ROBO2: variants seen among roughly 807,000 people sequenced by gnomAD.
ROBO2 encodes the protein roundabout guidance receptor 2.
In ROBO2, 53 loss-of-function variants were observed where a neutral mutation model predicts 160.8. The observed-to-expected ratio is 0.33, with a 90% CI of 0.26 to 0.41. ROBO2 has a LOEUF of 0.41. Ranked by LOEUF, ROBO2 falls within the 10% of genes least tolerant of loss-of-function variation. The probability of loss-of-function intolerance (pLI) is 1.00; values close to 1 mark genes in which losing one functional copy is unlikely to be tolerated. For synonymous variants in ROBO2, 664 were observed against 611.7 expected, an observed-to-expected ratio of 1.09 and a Z score of -1.26; for missense variants, 1,577 against 1,722.4, an observed-to-expected ratio of 0.92 and a Z score of 1.49.
At chr3:76,230,110 G>T (rs1704529932) in intron 2 of ROBO2, among the ~76,000 whole-genome samples, 1 of 152,006 alleles carries the variant, frequency 6.6e-6, no homozygotes, top group South Asian at 2.1e-4. Flanking sequence ...AGCTCCTCCA[G>T]TCTCTCATTC....
chr3:76,896,973 T>G (rs2074835789), intron 2 of ROBO2, among the ~76,000 whole-genome samples: 1 of 152,144 alleles, frequency 6.6e-6, no homozygotes, highest in African/African-American at 2.4e-5. Context: ...TAACTCACAT[T>G]TAGGGCTTAT....
intron 2 of ROBO2, among the ~76,000 whole-genome samples, chr3:76,157,968 T>C (rs1577089753): frequency 6.6e-6 from 1 of 152,138 alleles, no homozygotes. Context: ...TTCCTCCAGA[T>C]CAGAAAATGC....
rs149853329 is a variant in ROBO2, at chr3:76,753,899, T to C, written c.110-344115T>C. On this transcript the variant is annotated intron_variant, in intron 2 of 26. Coordinates refer to the ROBO2 transcript ENST00000487694. ...CTTGGTGAACATTTTATGGCAAAACTATTGCCCTTTTCTTTGTCCAGTTAG... is the reference window on the plus strand; with the variant it reads ...CTTGGTGAACATTTTATGGCAAAACCATTGCCCTTTTCTTTGTCCAGTTAG... 6.5e-3 allele frequency among the ~76,000 whole-genome samples: 988 copies of C among 152,008 alleles called. 6 individuals carry two copies. The highest frequency in any genetic ancestry group is 0.024 in the Middle Eastern group (7 of 294).
Position 77,596,616 on chromosome 3 carries a change from G to C in ROBO2, c.2727-7G>C, listed in dbSNP as rs760270431. The C allele has an allele frequency of 1.7e-5, 28 of 1,613,594 alleles. No homozygotes were observed. Among genetic ancestry groups the C allele is most frequent in the Non-Finnish European group, 2.3e-5 (27 of 1,179,782 alleles). ...ATGTGTTGATTTCCTTGTAATTTCT[G>C]TTTTAGCCGTCCAGGTCTTCTCAAT... is the stretch of plus-strand genomic sequence containing the variant. On this transcript the variant is annotated splice_region_variant and splice_polypyrimidine_tract_variant and intron_variant, in intron 18 of 25. Transcript: ENST00000461745.
At chr3:76,327,149 G>A (rs1414423593) in intron 2 of ROBO2, among the ~76,000 whole-genome samples, 3 of 151,952 alleles carry the variant, frequency 2.0e-5, no homozygotes, top group Non-Finnish European at 4.4e-5. Flanking sequence ...TTTTATAAAA[G>A]AGCACCAATT....
chr3:77,022,607 T>G (rs1305499442), intron 2 of ROBO2, among the ~76,000 whole-genome samples: 2 of 152,160 alleles, frequency 1.3e-5, no homozygotes, highest in African/African-American at 4.8e-5. Context: ...GAGTCTTTAT[T>G]TTGGAAGGGC....
chr3:76,091,065 G>T (rs903910111), intron 2 of ROBO2, among the ~76,000 whole-genome samples: 1 of 152,140 alleles, frequency 6.6e-6, no homozygotes, highest in Non-Finnish European at 1.5e-5. Context: ...AGCTTCAAAG[G>T]CATGATCTAT....
intron 2 of ROBO2, among the ~76,000 whole-genome samples, chr3:77,161,032 A>T (rs2078443661): frequency 6.6e-6 from 1 of 152,110 alleles, no homozygotes; most frequent in Admixed American, 6.5e-5. Flanking sequence ...AGATAGGTAA[A>T]AGAAGGAGTA....
chr3:77,077,609 A>T (rs1403495504), intron 1 of ROBO2, among the ~76,000 whole-genome samples: 2 of 152,188 alleles, frequency 1.3e-5, no homozygotes, highest in Admixed American at 1.3e-4. Flanking sequence ...GGTAAAATGG[A>T]AGCTGGGACC....
chr3:76,995,660 G>A (rs543814239), intron 2 of ROBO2, among the ~76,000 whole-genome samples: 1 of 152,246 alleles, frequency 6.6e-6, no homozygotes, highest in African/African-American at 2.4e-5. Context: ...GTATGAGATG[G>A]TATCTCATTG....
chr3:76,709,964 C>A lies in ROBO2; in HGVS notation c.110-388050C>A, dbSNP rs114128040. Among the ~76,000 whole-genome samples, 224 of 152,046 alleles carry A rather than the reference C, an allele frequency of 1.5e-3. 1 individual carries two copies. The highest frequency in any genetic ancestry group is 5.0e-3 in the African/African-American group (208 of 41,466). On this transcript the variant is annotated intron_variant, in intron 2 of 26. Transcript: ENST00000487694. ...ACATGGGATAGCAAAGGCTGCAGAT[C>A]TCAACACAACTTTAGAGGTAGGATT...
chr3:77,088,307 C>T (rs1030803717), intron 1 of ROBO2, among the ~76,000 whole-genome samples: 1 of 152,098 alleles, frequency 6.6e-6, no homozygotes, highest in African/African-American at 2.4e-5. Flanking sequence ...CTCATTCACC[C>T]TAATTAAGGA....
chr3:76,069,723 C>T (rs961163184), intron 2 of ROBO2, among the ~76,000 whole-genome samples: 2 of 151,918 alleles, frequency 1.3e-5, no homozygotes, highest in Non-Finnish European at 2.9e-5. Flanking sequence ...TGCTCAAGAA[C>T]AAAGAACACG....
intron 2 of ROBO2, among the ~76,000 whole-genome samples, chr3:76,149,957 C>A (rs1448357987): frequency 6.6e-6 from 1 of 151,356 alleles, no homozygotes; most frequent in Non-Finnish European, 1.5e-5. Flanking sequence ...CTGTCTAAAG[C>A]ACACATCATA....
chr3:76,085,116 TACAC>T (rs60546446), intron 2 of ROBO2, among the ~76,000 whole-genome samples: 12 of 135,896 alleles, frequency 8.8e-5, no homozygotes, highest in Admixed American at 3.7e-4. Flanking sequence ...TATATATATA[TACAC>T]ACACACACAC....
chr3:77,315,571 A>C (rs765513124), intron 2 of ROBO2, among the ~76,000 whole-genome samples: 19 of 152,180 alleles, frequency 1.2e-4, no homozygotes, highest in Non-Finnish European at 2.4e-4. Context: ...CATTTTTTAA[A>C]ACTGGGCTGT....
chr3:77,478,523 T>G (rs1306607229), intron 3 of ROBO2, among the ~76,000 whole-genome samples: 1 of 152,170 alleles, frequency 6.6e-6, no homozygotes, highest in Non-Finnish European at 1.5e-5. Context: ...ATCATTTTAT[T>G]TCTTCAGAGG....
At chr3:76,809,278 T>C (rs1299788138) in intron 2 of ROBO2, among the ~76,000 whole-genome samples, 1 of 152,088 alleles carries the variant, frequency 6.6e-6, no homozygotes, top group Non-Finnish European at 1.5e-5. Flanking sequence ...GCAGAATTCA[T>C]ATCATTATGG....
chr3:76,614,975 C>T (rs960889521), intron 2 of ROBO2, among the ~76,000 whole-genome samples: 2 of 152,058 alleles, frequency 1.3e-5, no homozygotes, highest in East Asian at 3.9e-4. Context: ...ATGATTTCTA[C>T]TTGTTGACAA....
Sources: allele counts gnomAD v4.1 joint callset (sites outside exome capture counted in the v4.1 genomes callset), GRCh38; gene constraint gnomAD v4.1.1; transcripts MANE v1.5; gene names NCBI Gene and HGNC (gene_info 2026-07-23, HGNC 2026-07-21).